SNX25: variants seen among roughly 807,000 people sequenced by gnomAD.
SNX25 encodes the protein sorting nexin-25.
In SNX25, 62 loss-of-function variants were observed where a neutral mutation model predicts 113.7. The observed-to-expected ratio is 0.55, with a 90% CI of 0.44 to 0.67. The LOEUF (loss-of-function observed/expected upper bound fraction) is 0.67. Among genes scored for constraint, SNX25 ranks in the 30% least tolerant of loss-of-function variants. The probability of loss-of-function intolerance (pLI) is 0.00; values close to 1 mark genes in which losing one functional copy is unlikely to be tolerated. For synonymous variants in SNX25, 421 were observed against 436.2 expected, an observed-to-expected ratio of 0.97 and a Z score of 0.43; for missense variants, 1,014 against 1,161.0, an observed-to-expected ratio of 0.87 and a Z score of 1.84.
intron 15 of SNX25, among the ~76,000 whole-genome samples, chr4:185,354,543 A>G (rs761596864): frequency 1.4e-4 from 22 of 152,156 alleles, no homozygotes; most frequent in African/African-American, 2.9e-4. Context: ...CCTGCCCCCA[A>G]TGACAGTAAT....
chr4:185,375,516 G>GTA, the SNX25 span: 2,621 of 46,536 alleles, frequency 0.056, 111 homozygotes, highest in Middle Eastern at 0.14. Flanking sequence ...ATATATATAT[G>GTA]TATATATATA....
At chr4:185,271,539 G>A (rs530483079) in intron 5 of SNX25, among the ~76,000 whole-genome samples, 3 of 152,306 alleles carry the variant, frequency 2.0e-5, no homozygotes, top group East Asian at 1.9e-4. Flanking sequence ...GTGAGCCACC[G>A]TGCCCGGCCT....
chr4:185,237,255 G>A (rs527624773), intron 1 of SNX25, among the ~76,000 whole-genome samples: 13 of 152,116 alleles, frequency 8.5e-5, no homozygotes, highest in Non-Finnish European at 1.5e-4. Context: ...GATAAGGAAA[G>A]TAAGATATTC....
chr4:185,260,938 A>G (rs572547663), intron 3 of SNX25, among the ~76,000 whole-genome samples: 1 of 152,296 alleles, frequency 6.6e-6, no homozygotes, highest in South Asian at 2.1e-4. Flanking sequence ...CGAAGTGTTC[A>G]CCAACCTCTG....
chr4:185,218,611 C>T (rs946008329), intron 1 of SNX25, among the ~76,000 whole-genome samples: 2 of 152,188 alleles, frequency 1.3e-5, no homozygotes, highest in Non-Finnish European at 2.9e-5. Context: ...TGAGTAGCCA[C>T]AAGCTGGATG....
chr4:185,374,177 G>T, downstream of SNX25: 1 of 1,614,064 alleles, frequency 6.2e-7, no homozygotes, highest in Non-Finnish European at 8.5e-7. Context: ...AATACAGCCC[G>T]AGCATACTTT....
chr4:185,362,497 A>T, intron 17 of SNX25, 114 bp from the exon 18 acceptor site: 1 of 1,186,382 alleles, frequency 8.4e-7, no homozygotes, highest in Non-Finnish European at 1.2e-6. Flanking sequence ...CATGTTTCTC[A>T]TGCCTCCATG....
chr4:185,208,945 C>T (rs1480467193), upstream of SNX25, among the ~76,000 whole-genome samples: 1 of 152,178 alleles, frequency 6.6e-6, no homozygotes, highest in Non-Finnish European at 1.5e-5. Flanking sequence ...ATTTGGACCA[C>T]GTTCCTTTGC....
chr4:185,223,458 A>G (rs1452379334), intron 1 of SNX25, among the ~76,000 whole-genome samples: 3 of 152,062 alleles, frequency 2.0e-5, no homozygotes, highest in Non-Finnish European at 4.4e-5. Flanking sequence ...AGGCCTGCTC[A>G]AACTCCTGTT....
intron 10 of SNX25, among the ~76,000 whole-genome samples, chr4:185,337,618 T>C (rs2095238353): frequency 1.3e-5 from 2 of 152,226 alleles, no homozygotes; most frequent in South Asian, 4.1e-4. Flanking sequence ...TACCTAGTAG[T>C]AGAATTGCTG....
chr4:185,283,546 G>C lies in SNX25; in HGVS notation c.1092-4466G>C, dbSNP rs1269795567. ...TAGAAGGCAGTAAAGCTGGAAAGAT[G>C]ATCTGGCATTGGCCATACTTACGTA... is the stretch of plus-strand genomic sequence containing the variant. On this transcript the variant is annotated intron_variant, in intron 5 of 18. Coordinates refer to ENST00000652585, the MANE Select transcript of SNX25 (RefSeq NM_001378034.2). Among the ~76,000 whole-genome samples the C allele has an allele frequency of 2.0e-5, 3 of 152,184 alleles. No individual in the cohort carries two copies. The South Asian group carries it at 6.2e-4, about 32-fold the overall frequency.
intron 7 of SNX25, among the ~76,000 whole-genome samples, chr4:185,316,809 T>C (rs1433106263): frequency 1.3e-5 from 2 of 152,206 alleles, no homozygotes; most frequent in East Asian, 1.9e-4. Flanking sequence ...CAAATTGATA[T>C]GGGTTCCTTT....
intron 1 of SNX25, among the ~76,000 whole-genome samples, chr4:185,212,844 A>G (rs1738169521): frequency 6.6e-6 from 1 of 152,216 alleles, no homozygotes; most frequent in South Asian, 2.1e-4. Flanking sequence ...ACAAATTTGG[A>G]TTCAGCGTGA....
At chr4:185,354,752 C>T (rs922869010) in intron 15 of SNX25, among the ~76,000 whole-genome samples, 7 of 152,218 alleles carry the variant, frequency 4.6e-5, no homozygotes, top group African/African-American at 1.4e-4. Flanking sequence ...TGCTACTCTC[C>T]GTCCACACAT....
intron 5 of SNX25, among the ~76,000 whole-genome samples, chr4:185,277,631 A>G (rs1749905962): frequency 6.6e-6 from 1 of 152,120 alleles, no homozygotes; most frequent in Non-Finnish European, 1.5e-5. Context: ...ATACTGACAT[A>G]AAAGATGTAA....
At chr4:185,352,738 C>T (rs1206084416) in intron 14 of SNX25, among the ~76,000 whole-genome samples, 2 of 152,190 alleles carry the variant, frequency 1.3e-5, no homozygotes, top group Non-Finnish European at 2.9e-5. Flanking sequence ...TTCCTCTGCT[C>T]GCCTGATGTA....
intron 7 of SNX25, among the ~76,000 whole-genome samples, chr4:185,315,084 C>T (rs762096857): frequency 1.3e-4 from 19 of 148,458 alleles, no homozygotes; most frequent in African/African-American, 4.2e-4. Context: ...AAAAATTAGC[C>T]GGGCGCGGTG....
intron 5 of SNX25, among the ~76,000 whole-genome samples, chr4:185,272,799 G>A (rs568122597): frequency 1.3e-5 from 2 of 152,238 alleles, no homozygotes; most frequent in African/African-American, 2.4e-5. Flanking sequence ...TTGACTGATC[G>A]GGATACCTCA....
intron 7 of SNX25, among the ~76,000 whole-genome samples, chr4:185,319,650 T>C (rs1199862069): frequency 6.6e-6 from 1 of 152,092 alleles, no homozygotes; most frequent in Non-Finnish European, 1.5e-5. Context: ...CTTGGCAAAA[T>C]AAACTTCTAA....
Sources: gnomAD v4.1 joint callset for allele counts (sites outside exome capture counted in the v4.1 genomes callset) on GRCh38, gnomAD v4.1.1 for gene constraint, MANE v1.5 for transcripts, NCBI Gene and HGNC (gene_info 2026-07-23, HGNC 2026-07-21) for gene names.